The following CLEC3B variants were observed in gnomAD, a reference collection of about 807,000 sequenced individuals.
CLEC3B encodes C-type lectin domain family 3 member B.
Under a neutral mutation model 15.4 loss-of-function variants are expected in CLEC3B, and 13 were observed. The observed-to-expected ratio is 0.84, with a 90% CI of 0.55 to 1.34. The LOEUF is 1.34. Ranked by LOEUF, CLEC3B falls within the 40% of genes most tolerant of loss-of-function variation. CLEC3B has a pLI of 0.00. For synonymous variants in CLEC3B, 112 were observed against 114.7 expected (o/e 0.98, Z 0.15); for missense variants, 242 against 268.6 (o/e 0.90, Z 0.69).
At chr3:45,030,799 C>T (rs1207493988) in intron 1 of CLEC3B, 28 bp from the exon 2 acceptor site, 3 of 1,514,846 alleles carry the variant, frequency 2.0e-6, no homozygotes, top group Non-Finnish European at 2.7e-6. Flanking sequence ...GTCCCTGCCC[C>T]ACCCTGACAT....
intron 1 of CLEC3B, among the ~76,000 whole-genome samples, chr3:45,028,402 A>G (rs1260810906): frequency 6.6e-6 from 1 of 152,152 alleles, no homozygotes; most frequent in East Asian, 1.9e-4. Flanking sequence ...CTAAAAATAC[A>G]AAAATTAGCT....
At chr3:45,033,164 G>T (rs1332286377) in intron 2 of CLEC3B, among the ~76,000 whole-genome samples, 1 of 152,162 alleles carries the variant, frequency 6.6e-6, no homozygotes, top group African/African-American at 2.4e-5. Flanking sequence ...GGTAGGCAGG[G>T]TAAACTCTAA....
In CLEC3B at chr3:45,036,012, C is replaced by A; in HGVS notation, c.*88C>A. ...GGGTGGGGACCTTGCAGCCCCCATCCTCTCCGTGCGCTTGGAGCCTCTTTT... is the reference window on the plus strand; with the variant it reads ...GGGTGGGGACCTTGCAGCCCCCATCATCTCCGTGCGCTTGGAGCCTCTTTT... On this transcript the variant is annotated 3_prime_UTR_variant, in exon 3 of 3. Transcript: ENST00000296130. 1 of 1,371,128 alleles carries A rather than the reference C, an allele frequency of 7.3e-7. No individual in the cohort carries two copies. Among genetic ancestry groups the A allele is most frequent in the Non-Finnish European group, 9.7e-7 (1 of 1,035,970 alleles). 84.9% of individuals were successfully genotyped at this position (1,371,128 alleles called of 1,614,324 possible). A position where few individuals can be genotyped will look rare whatever the true frequency, so the allele number is the denominator to read the frequency against.
chr3:45,030,326 C>A, intron 1 of CLEC3B: 1 of 711,784 alleles, frequency 1.4e-6, no homozygotes, highest in East Asian at 1.3e-4. Flanking sequence ...ATGAGGGAAC[C>A]AAATCCAGAG....
chr3:45,028,539 G>A (rs1218499892), intron 1 of CLEC3B, among the ~76,000 whole-genome samples: 1 of 152,220 alleles, frequency 6.6e-6, no homozygotes, highest in Non-Finnish European at 1.5e-5. Context: ...CTGGGTGACA[G>A]AGTAAGTGAG....
At chr3:45,034,251 G>T (rs141366051) in intron 2 of CLEC3B, among the ~76,000 whole-genome samples, 85 of 152,344 alleles carry the variant, frequency 5.6e-4, no homozygotes, top group African/African-American at 2.0e-3. Flanking sequence ...AATGAAGGCC[G>T]CTTGGCTAAG....
intron 2 of CLEC3B, among the ~76,000 whole-genome samples, chr3:45,034,786 G>C (rs1697614366): frequency 6.6e-6 from 1 of 152,168 alleles, no homozygotes; most frequent in African/African-American, 2.4e-5. Flanking sequence ...AGCACTTCCT[G>C]TCTTCTCTCT....
At position 45,035,773 on chromosome 3, in the gene CLEC3B, C is replaced by T; in HGVS notation, c.458C>T (p.Ala153Val). 3 of 1,613,716 alleles carry T rather than the reference C, an allele frequency of 1.9e-6. No homozygotes were observed. Among genetic ancestry groups the T allele is most frequent in the Non-Finnish European group, 2.5e-6 (3 of 1,179,980 alleles). The change falls in exon 3 of 3, where the codon GCC becomes GTC. Residue 153 changes from alanine (A) to valine (V), a missense_variant. Physicochemically the swap from Ala to Val is moderately conservative, Grantham distance 64. Coordinates refer to ENST00000296130, the MANE Select transcript of CLEC3B (RefSeq NM_003278.3). ...TWVDMTGARI[A>V]YKNWETEITA... ...GTGGACATGACCGGCGCCCGCATCG[C>T]CTACAAGAACTGGGAGACTGAGATC...
At position 45,026,354 on chromosome 3, in the gene CLEC3B, C is replaced by G; in HGVS notation, c.-9C>G. ...TGCAGGCAGCAGCAGCCCCCGCCCG[C>G]GCAGCAGCATGGAGCTCTGGGGGGC... On this transcript the variant is annotated 5_prime_UTR_variant, in exon 1 of 3. Transcript: ENST00000296130. The G allele has an allele frequency of 1.2e-6, 2 of 1,612,032 alleles. No individual in the cohort carries two copies. The highest frequency in any genetic ancestry group is 1.7e-6 in the Non-Finnish European group (2 of 1,178,690).
rs1056260935 is a variant in CLEC3B at position 45,035,935 on chromosome 3, G to A, written c.*11G>A. On this transcript the variant is annotated 3_prime_UTR_variant, in exon 3 of 3. Transcript: ENST00000296130. ...TTCGGGATCGTGTAGCCGGCGGGGC[G>A]GGGGCCGTGGGGGGCCTGGAGGAGG... 5 of 1,564,738 alleles carry A rather than the reference G, an allele frequency of 3.2e-6. No homozygotes were observed. The African/African-American group carries it at 4.0e-5, about 13-fold the overall frequency.
chr3:45,029,822 C>A (rs926842632), intron 1 of CLEC3B, among the ~76,000 whole-genome samples: 2 of 152,208 alleles, frequency 1.3e-5, no homozygotes, highest in Admixed American at 1.3e-4. Flanking sequence ...CCGGCACCCT[C>A]AACTTACACA....
At chr3:45,031,212 G>A (rs546000840) in intron 2 of CLEC3B, among the ~76,000 whole-genome samples, 168 of 152,334 alleles carry the variant, frequency 1.1e-3, no homozygotes, top group African/African-American at 3.6e-3. Context: ...TCTCCAACAA[G>A]AATCCACTAC....
At chr3:45,028,054 C>G (rs1280281960) in intron 1 of CLEC3B, among the ~76,000 whole-genome samples, 1 of 152,178 alleles carries the variant, frequency 6.6e-6, no homozygotes, top group Non-Finnish European at 1.5e-5. Flanking sequence ...TACAGGCCAA[C>G]AGAACAGCCA....
chr3:45,034,827 C>T (rs969141968), intron 2 of CLEC3B, among the ~76,000 whole-genome samples: 2 of 152,178 alleles, frequency 1.3e-5, no homozygotes, highest in African/African-American at 2.4e-5. Context: ...CTCAGCCCCA[C>T]CCTACCAGCC....
At chr3:45,032,665 A>C (rs551712809) in intron 2 of CLEC3B, among the ~76,000 whole-genome samples, 1 of 152,362 alleles carries the variant, frequency 6.6e-6, no homozygotes, top group South Asian at 2.1e-4. Context: ...AAGGAAGGAC[A>C]AACATGTAAC....
chr3:45,035,374 C>A, intron 2 of CLEC3B, 150 bp from the exon 3 acceptor site: 1 of 988,028 alleles, frequency 1.0e-6, no homozygotes, highest in Non-Finnish European at 1.4e-6. Context: ...CATGAACCAT[C>A]AGGACCCCTT....
intron 2 of CLEC3B, among the ~76,000 whole-genome samples, chr3:45,032,479 C>A (rs62242475): frequency 1.2e-4 from 19 of 152,264 alleles, no homozygotes; most frequent in Admixed American, 1.2e-3. Flanking sequence ...TTTTATCACA[C>A]TGACTGCAGT....
intron 1 of CLEC3B, among the ~76,000 whole-genome samples, chr3:45,030,443 C>A (rs946303322): frequency 1.3e-5 from 2 of 152,192 alleles, no homozygotes; most frequent in African/African-American, 4.8e-5. Flanking sequence ...TTCCTCCAGC[C>A]TGGGGAAGTG....
At chr3:45,030,781 C>T (rs1160426387) in intron 1 of CLEC3B, 46 bp from the exon 2 acceptor site, 2 of 1,356,102 alleles carry the variant, frequency 1.5e-6, no homozygotes, top group Non-Finnish European at 1.0e-6. Flanking sequence ...TAGGATCCTT[C>T]CTGCTCAGTC....
Sources: gnomAD v4.1 joint callset for allele counts (sites outside exome capture counted in the v4.1 genomes callset) on GRCh38, gnomAD v4.1.1 for gene constraint, MANE v1.5 for transcripts, NCBI Gene and HGNC (gene_info 2026-07-23, HGNC 2026-07-21) for gene names.